The following SH3PXD2B variants were observed in gnomAD, a reference collection of about 807,000 sequenced individuals.
SH3PXD2B encodes SH3 and PX domains 2B, also known as SH3 and PX domain-containing protein 2B.
In SH3PXD2B, 37 loss-of-function variants were observed where a neutral mutation model predicts 73.1. The observed-to-expected ratio is 0.51, with a 90% CI of 0.39 to 0.67. The LOEUF (loss-of-function observed/expected upper bound fraction) is 0.67. Ranked by LOEUF, SH3PXD2B falls within the 30% of genes least tolerant of loss-of-function variation. The pLI, the probability that SH3PXD2B is intolerant of heterozygous loss-of-function variation, is 0.00. For synonymous variants in SH3PXD2B, 457 were observed against 480.5 expected (o/e 0.95, Z 0.64); for missense variants, 1,053 against 1,197.8 (o/e 0.88, Z 1.78).
At chr5:172,385,274 C>A (rs1758034774) in intron 4 of SH3PXD2B, among the ~76,000 whole-genome samples, 1 of 152,048 alleles carries the variant, frequency 6.6e-6, no homozygotes, top group African/African-American at 2.4e-5. Context: ...TATCTTGTGG[C>A]TTCCCCCCAA....
At chr5:172,331,196 A>AAAACAT (rs1756548425), downstream of SH3PXD2B, among the ~76,000 whole-genome samples, 1 of 152,238 alleles carries the variant, frequency 6.6e-6, no homozygotes, top group Non-Finnish European at 1.5e-5. Flanking sequence ...CTCTTGTCCA[A>AAAACAT]AAAAATAAAA....
chr5:172,339,619 T>C lies in SH3PXD2B; in HGVS notation c.1486A>G (p.Arg496Gly). The C allele has an allele frequency of 6.2e-7, 1 of 1,614,222 alleles. No individual in the cohort carries two copies. The highest frequency in any genetic ancestry group is 1.1e-5 in the South Asian group (1 of 91,088). The part of the protein sequence containing the change: ...KDWKGSKDVL[R>G]KASSDMSASA... ...GCAGACATGTCTGAAGATGCCTTCC[T>C]CAGGACATCCTTACTGCCCTTCCAG... Residue 496 changes from arginine to glycine, a missense_variant, in exon 13 of 13, where the codon AGG (arginine) becomes GGG (glycine). Coordinates refer to ENST00000311601, the MANE Select transcript of SH3PXD2B (RefSeq NM_001017995.3). This position sits in a 1 kb window ranked among gnomAD's most constrained non-coding sequence, Gnocchi z 6.1.
intron 6 of SH3PXD2B, among the ~76,000 whole-genome samples, chr5:172,366,799 A>AT (rs903880785): frequency 4.9e-4 from 74 of 151,244 alleles, no homozygotes; most frequent in African/African-American, 1.6e-3. Context: ...CACCTGGCTA[A>AT]TTTTTTTGTA....
chr5:172,382,438 T>G (rs540336784), intron 4 of SH3PXD2B, among the ~76,000 whole-genome samples: 1 of 151,896 alleles, frequency 6.6e-6, no homozygotes, highest in African/African-American at 2.4e-5. Flanking sequence ...CTTGGAGGGC[T>G]TATTAAAACA....
intron 6 of SH3PXD2B, among the ~76,000 whole-genome samples, chr5:172,364,685 C>A (rs928630362): frequency 4.0e-5 from 6 of 151,122 alleles, no homozygotes; most frequent in African/African-American, 1.5e-4. Context: ...CCCAAAAAAA[C>A]CAAAAAAACC....
chr5:172,346,270 A>G lies in SH3PXD2B; in HGVS notation c.1063-9T>C, dbSNP rs189684298. On this transcript the variant is annotated splice_polypyrimidine_tract_variant and intron_variant, in intron 11 of 12. Transcript: ENST00000311601. ...AGGTTGAGGCCTCGAGGCTGGTACG[A>G]TCACACACAGGGTTATCTCCAAGGC... The G allele has an allele frequency of 2.1e-3, 3,375 of 1,613,504 alleles. 79 individuals carry two copies. The African/African-American group carries it at 0.041, about 19-fold the overall frequency.
At chr5:172,390,391 T>C (rs1183163230) in intron 4 of SH3PXD2B, among the ~76,000 whole-genome samples, 3 of 152,220 alleles carry the variant, frequency 2.0e-5, no homozygotes, top group Non-Finnish European at 2.9e-5. Flanking sequence ...CATTGCTTAA[T>C]TTATTTATTT....
At chr5:172,431,194 A>G (rs1018649446) in intron 1 of SH3PXD2B, among the ~76,000 whole-genome samples, 3 of 152,188 alleles carry the variant, frequency 2.0e-5, no homozygotes, top group African/African-American at 7.2e-5. Flanking sequence ...CCTAACCCCC[A>G]TGGCCACAGC....
In SH3PXD2B at chr5:172,334,072, A is replaced by G. The variant is rs1756630224; in HGVS notation, c.*4297T>C. The G allele has an allele frequency of 8.7e-7, 1 of 1,148,274 alleles. No homozygotes were observed. The highest frequency in any genetic ancestry group is 4.7e-5 in the Admixed American group (1 of 21,202). The allele number at this position is 1,148,274 out of a possible 1,614,324, so 71.1% of individuals were successfully genotyped here. ...CTGCGTTTGGCCTCTTTGAGGACAG[A>G]AGAGGTTGAGCCCCTCATCCCTGAT... On this transcript the variant is annotated 3_prime_UTR_variant, in exon 13 of 13. Coordinates refer to ENST00000311601, the MANE Select transcript of SH3PXD2B (RefSeq NM_001017995.3).
chr5:172,419,082 A>G (rs1216594604), intron 2 of SH3PXD2B, among the ~76,000 whole-genome samples: 2 of 152,162 alleles, frequency 1.3e-5, no homozygotes, highest in Non-Finnish European at 2.9e-5. Flanking sequence ...TTTCATTCCT[A>G]CTATGCAGAT....
downstream of SH3PXD2B, among the ~76,000 whole-genome samples, chr5:172,329,669 A>C (rs1285037765): frequency 1.3e-5 from 2 of 150,488 alleles, no homozygotes; most frequent in Non-Finnish European, 3.0e-5. Flanking sequence ...TCTCAAGTAG[A>C]TGGGACTACA....
At position 172,353,970 on chromosome 5, in the gene SH3PXD2B, G is replaced by A. The variant is rs761875763; in HGVS notation, c.703C>T (p.Arg235Trp). The A allele has an allele frequency of 5.6e-6, 9 of 1,614,070 alleles. No homozygotes were observed. In the Admixed American group the frequency reaches 6.7e-5, roughly 12 times the overall value. ...KYTVIYPYTA[R>W]DQDEMNLERG... ...TCCAGGTTCATTTCATCCTGGTCCC[G>A]AGCTGTGTACGGGTAGATGACTGTG... The change falls in exon 9 of 13, where the codon CGG becomes TGG. Residue 235 changes from arginine (R) to tryptophan (W), a missense_variant. Arg to Trp is a moderately radical substitution (Grantham distance 101). Transcript: ENST00000311601. The surrounding 1 kb of genome is among the most constrained non-coding windows in gnomAD (Gnocchi z 4.3).
intron 3 of SH3PXD2B, among the ~76,000 whole-genome samples, chr5:172,402,266 T>A (rs1581311133): frequency 6.6e-6 from 1 of 152,324 alleles, no homozygotes; most frequent in African/African-American, 2.4e-5. Context: ...TCCTGCCTCA[T>A]AAATTTTGGT....
rs201677427 is a variant in SH3PXD2B at position 172,422,477 on chromosome 5, G to A, written c.95C>T (p.Thr32Met). Reference protein sequence around the residue: ...NKHYVYIIRVTWSSGSTEAIY... With the variant: ...NKHYVYIIRVMWSSGSTEAIY... The stretch of plus-strand genomic sequence containing the variant: ...GGCCTCGGTGGAGCCGCTGGACCAC[G>A]TGACCCGGATGATGTAGACCTGCGG... Residue 32 changes from threonine to methionine, a missense_variant, in exon 2 of 13, where the codon ACG becomes ATG. This residue lies in a region of SH3PXD2B where 466 missense variants were observed against 607.1 expected (regional missense o/e 0.77). Transcript: ENST00000311601. 146 of 1,611,836 alleles carry A rather than the reference G, an allele frequency of 9.1e-5. 2 individuals are homozygous for A. The South Asian group carries it at 1.4e-3, about 16-fold the overall frequency.
At chr5:172,390,603 C>T (rs1758160640) in intron 4 of SH3PXD2B, among the ~76,000 whole-genome samples, 3 of 152,284 alleles carry the variant, frequency 2.0e-5, no homozygotes, top group Non-Finnish European at 4.4e-5. Context: ...GGATATTACA[C>T]ATTTTGTGTA....
At chr5:172,393,631 A>AG (rs1758235543) in intron 4 of SH3PXD2B, among the ~76,000 whole-genome samples, 1 of 152,120 alleles carries the variant, frequency 6.6e-6, no homozygotes, top group East Asian at 1.9e-4. Flanking sequence ...TCCTGATCTG[A>AG]GGGGGAGATT....
intron 8 of SH3PXD2B, among the ~76,000 whole-genome samples, chr5:172,355,447 G>T (rs971456615): frequency 1.3e-5 from 2 of 152,204 alleles, no homozygotes; most frequent in Non-Finnish European, 2.9e-5. Flanking sequence ...AGGTGGGAAA[G>T]GGTGCCACCC....
intron 2 of SH3PXD2B, among the ~76,000 whole-genome samples, chr5:172,419,060 C>T (rs1581324779): frequency 1.3e-5 from 2 of 152,240 alleles, no homozygotes; most frequent in African/African-American, 2.4e-5. Flanking sequence ...AATAAATGCA[C>T]GAGGAAGGCA....
chr5:172,433,108 G>A (rs1350066077), intron 1 of SH3PXD2B, among the ~76,000 whole-genome samples: 3 of 151,808 alleles, frequency 2.0e-5, no homozygotes, highest in Non-Finnish European at 4.4e-5. Context: ...GTAACACAAT[G>A]GTGAGTATTT....
Sources: allele counts gnomAD v4.1 joint callset (sites outside exome capture counted in the v4.1 genomes callset), GRCh38; gene constraint gnomAD v4.1.1; regional missense constraint gnomAD v4.1.1; non-coding constraint Gnocchi (gnomAD v3.1); transcripts MANE v1.5; gene names NCBI Gene and HGNC (gene_info 2026-07-23, HGNC 2026-07-21).